Variants in FRMD4A observed in about 807,000 individuals in gnomAD.
FRMD4A encodes FERM domain-containing protein 4A.
In FRMD4A, 29 loss-of-function variants were observed where a neutral mutation model predicts 129.1. That is an observed-to-expected ratio of 0.22 (90% CI 0.17 to 0.31). The LOEUF is 0.31. Ranked by LOEUF, FRMD4A falls within the 10% of genes least tolerant of loss-of-function variation. The pLI is 1.00. For missense variants in FRMD4A, 1,272 were observed against 1,375.8 expected (o/e 0.92, Z 1.19); for synonymous variants, 634 against 571.6 (o/e 1.11, Z -1.56).
chr10:13,960,936 T>A (rs936891453), intron 2 of FRMD4A, among the ~76,000 whole-genome samples: 1 of 152,222 alleles, frequency 6.6e-6, no homozygotes, highest in African/African-American at 2.4e-5. Flanking sequence ...TATGGAAGGC[T>A]GTGTACCTAC....
At chr10:13,679,878 C>T (rs1458549661) in intron 15 of FRMD4A, among the ~76,000 whole-genome samples, 2 of 152,064 alleles carry the variant, frequency 1.3e-5, no homozygotes. Context: ...CACGGACACA[C>T]CAGCAACATT....
chr10:14,098,594 G>A (rs1358080797), intron 2 of FRMD4A, among the ~76,000 whole-genome samples: 2 of 152,014 alleles, frequency 1.3e-5, no homozygotes, highest in African/African-American at 4.8e-5. Context: ...TGTTTTAGTA[G>A]AGACGTGGTT....
chr10:13,965,649 G>A (rs77026775), intron 2 of FRMD4A, among the ~76,000 whole-genome samples: 3,683 of 152,302 alleles, frequency 0.024, 103 homozygotes, highest in African/African-American at 0.057. Flanking sequence ...CCTGTAAGAA[G>A]TCTTCCCAAA....
chr10:14,110,125 T>TAAA (rs1554761010), intron 2 of FRMD4A, among the ~76,000 whole-genome samples: 7 of 89,542 alleles, frequency 7.8e-5, no homozygotes, highest in African/African-American at 1.9e-4. Context: ...CGAGATGCTG[T>TAAA]AAAAAAAAAA....
At chr10:13,987,854 T>G (rs1046511890) in intron 2 of FRMD4A, among the ~76,000 whole-genome samples, 19 of 152,206 alleles carry the variant, frequency 1.2e-4, no homozygotes, top group African/African-American at 4.3e-4. Context: ...GGTCTAATGA[T>G]TTCAGAGTTT....
At chr10:14,315,600 A>C (rs1363643755) in intron 2 of FRMD4A, among the ~76,000 whole-genome samples, 1 of 152,152 alleles carries the variant, frequency 6.6e-6, no homozygotes, top group African/African-American at 2.4e-5. Flanking sequence ...AGTTTTTTCT[A>C]ATGCTTTCCA....
intron 2 of FRMD4A, among the ~76,000 whole-genome samples, chr10:14,013,040 G>A (rs1282019005): frequency 6.6e-6 from 1 of 152,166 alleles, no homozygotes; most frequent in Non-Finnish European, 1.5e-5. Flanking sequence ...GGCAGGCTGA[G>A]GCCACCATGA....
chr10:13,760,860 C>T (rs1588595478), intron 8 of FRMD4A, among the ~76,000 whole-genome samples: 1 of 129,522 alleles, frequency 7.7e-6, no homozygotes, highest in South Asian at 2.7e-4. Context: ...CCAGAATGGG[C>T]TACCCTGGCC....
intron 2 of FRMD4A, among the ~76,000 whole-genome samples, chr10:13,924,835 C>G (rs1018887026): frequency 1.3e-4 from 19 of 151,850 alleles, no homozygotes; most frequent in African/African-American, 4.4e-4. Context: ...GAGGCCGAAG[C>G]GGGCGGATCA....
At chr10:13,671,740 A>G (rs887272641) in intron 16 of FRMD4A, among the ~76,000 whole-genome samples, 5 of 152,244 alleles carry the variant, frequency 3.3e-5, no homozygotes, top group African/African-American at 1.2e-4. Context: ...TGTAGAGGCC[A>G]GGCATCAAAT....
chr10:13,883,483 C>G (rs909473896), intron 2 of FRMD4A, among the ~76,000 whole-genome samples: 1 of 151,992 alleles, frequency 6.6e-6, no homozygotes, highest in Non-Finnish European at 1.5e-5. Flanking sequence ...CAGGGTGAGA[C>G]TTTGTCTCAA....
chr10:13,730,960 AGAGGTT>A (rs1403699144), intron 12 of FRMD4A, among the ~76,000 whole-genome samples: 4 of 151,446 alleles, frequency 2.6e-5, no homozygotes, highest in Non-Finnish European at 2.9e-5. Context: ...CCCAGGAGGC[AGAGGTT>A]GCAGTGAGCC....
intron 13 of FRMD4A, among the ~76,000 whole-genome samples, chr10:13,702,844 C>T (rs2086982193): frequency 6.8e-6 from 1 of 148,114 alleles, no homozygotes; most frequent in South Asian, 2.1e-4. Context: ...AGGAGAAATT[C>T]AGATCCGGTG....
rs1194790194 is a variant in FRMD4A at position 14,330,046 on chromosome 10, C to T, written c.45+12G>A. 10 of 1,552,176 alleles carry T rather than the reference C, an allele frequency of 6.4e-6. No homozygotes were observed. The highest frequency in any genetic ancestry group is 7.8e-6 in the Non-Finnish European group (9 of 1,147,218). ...ACGCTGCCCGGGCCCCACCTCCTGT[C>T]TGAACACTCACCATCAGCAGGCCGA... On this transcript the variant is annotated intron_variant, in intron 2 of 24. Coordinates refer to ENST00000357447, the MANE Select transcript of FRMD4A (RefSeq NM_018027.5).
At chr10:13,764,619 C>G (rs2092213156) in intron 6 of FRMD4A, among the ~76,000 whole-genome samples, 1 of 152,230 alleles carries the variant, frequency 6.6e-6, no homozygotes, top group African/African-American at 2.4e-5. Context: ...ACAACACTCT[C>G]TCATTATACA....
intron 9 of FRMD4A, among the ~76,000 whole-genome samples, chr10:13,741,934 G>T (rs6602682): frequency 0.31 from 47,025 of 152,060 alleles, 7,952 homozygotes; most frequent in African/African-American, 0.44. Context: ...TTGGCTCACC[G>T]CAACCTCTGC....
In FRMD4A at chr10:13,846,000, A is replaced by G. The variant is rs2094039547; in HGVS notation, c.111+12847T>C. ...TTTGCTGTACAACTCTGAATAAGTT[A>G]CTTTACTTCTCTGTGCCCCAATTTC... On this transcript the variant is annotated intron_variant, in intron 3 of 24. Coordinates refer to ENST00000357447, the MANE Select transcript of FRMD4A (RefSeq NM_018027.5). Among the ~76,000 whole-genome samples, 3 of 152,218 alleles carry G rather than the reference A, an allele frequency of 2.0e-5. No homozygotes were observed. In the South Asian group the frequency reaches 6.2e-4, roughly 32 times the overall value.
rs557169816 is a variant in FRMD4A at position 13,987,604 on chromosome 10, G to A, written c.46-128692C>T. Among the ~76,000 whole-genome samples, 26 of 152,248 alleles carry A rather than the reference G, an allele frequency of 1.7e-4. 2 individuals are homozygous for A. The highest frequency in any genetic ancestry group is 1.4e-3 in the Admixed American group (22 of 15,282). On this transcript the variant is annotated intron_variant, in intron 2 of 24. Coordinates refer to ENST00000357447, the MANE Select transcript of FRMD4A (RefSeq NM_018027.5). ...TGGATGGGAGACTAGAATATTCAGA[G>A]GTTACAACCTGCGGCCAACAGAGCA...
At chr10:14,124,244 G>A (rs545992510) in intron 2 of FRMD4A, among the ~76,000 whole-genome samples, 1 of 152,172 alleles carries the variant, frequency 6.6e-6, no homozygotes, top group Non-Finnish European at 1.5e-5. Flanking sequence ...TGTGAGCTTA[G>A]ACATAATTAC....
Sources: allele counts gnomAD v4.1 joint callset (sites outside exome capture counted in the v4.1 genomes callset), GRCh38; gene constraint gnomAD v4.1.1; transcripts MANE v1.5; gene names NCBI Gene and HGNC (gene_info 2026-07-23, HGNC 2026-07-21).